SRGN: variants seen among roughly 807,000 people sequenced by gnomAD.
The protein encoded by SRGN is hematopoetic proteoglycan core peptide.
In SRGN, 2 loss-of-function variants were observed where a neutral mutation model predicts 9.5. The observed-to-expected ratio is 0.21, with a 90% CI of 0.09 to 0.66. The LOEUF (loss-of-function observed/expected upper bound fraction) is 0.66. Among genes scored for constraint, SRGN ranks in the 30% least tolerant of loss-of-function variants. The pLI, the probability that SRGN is intolerant of heterozygous loss-of-function variation, is 0.83. For missense variants in SRGN, 170 were observed against 192.4 expected, an observed-to-expected ratio of 0.88 and a Z score of 0.69; for synonymous variants, 59 against 72.3, an observed-to-expected ratio of 0.82 and a Z score of 0.93.
Position 69,097,513 on chromosome 10 carries a change from A to G in SRGN, c.227+282A>G, listed in dbSNP as rs371264783. 3.8e-4 allele frequency among the ~76,000 whole-genome samples: 53 copies of G among 140,816 alleles called. 2 individuals are homozygous for G. The East Asian group carries it at 9.3e-3, about 25-fold the overall frequency. The allele number at this position is 140,816 out of a possible 152,430, so 92.4% of individuals were successfully genotyped here. Reference sequence around the variant, plus strand: ...GCAATCTCGGCTCACTGCAAGCTCCACCTCCTGGGTTCACGCCATTCTCCC... The same window carrying G: ...GCAATCTCGGCTCACTGCAAGCTCCGCCTCCTGGGTTCACGCCATTCTCCC... On this transcript the variant is annotated intron_variant, in intron 2 of 2. Transcript: ENST00000242465.
chr10:69,102,641 C>A (rs531150820), intron 2 of SRGN, among the ~76,000 whole-genome samples: 1 of 152,116 alleles, frequency 6.6e-6, no homozygotes, highest in African/African-American at 2.4e-5. Flanking sequence ...CGAGGGCTGT[C>A]GTCATTGCTC....
At chr10:69,088,101 C>T, upstream of SRGN, 1 of 1,471,470 alleles carries the variant, frequency 6.8e-7, no homozygotes, top group Non-Finnish European at 9.5e-7. Flanking sequence ...GAGCACCCTG[C>T]TACATTTCCT....
At chr10:69,090,906 T>G (rs1840039247) in intron 1 of SRGN, among the ~76,000 whole-genome samples, 1 of 152,120 alleles carries the variant, frequency 6.6e-6, no homozygotes, top group African/African-American at 2.4e-5. Context: ...TTATTGCCTC[T>G]CTTTTCCAAT....
intron 1 of SRGN, among the ~76,000 whole-genome samples, chr10:69,095,327 T>G (rs1173510519): frequency 6.9e-6 from 1 of 144,824 alleles, no homozygotes; most frequent in Non-Finnish European, 1.5e-5. Flanking sequence ...AAAAAAAAAG[T>G]ACTTTTCTTC....
intron 2 of SRGN, among the ~76,000 whole-genome samples, chr10:69,099,474 A>C (rs1840246559): frequency 6.6e-6 from 1 of 151,772 alleles, no homozygotes; most frequent in African/African-American, 2.4e-5. Context: ...TAATTAAAAA[A>C]ATTTTTTTTT....
intron 1 of SRGN, 146 bp downstream of exon 1, chr10:69,088,382 T>C: frequency 1.5e-6 from 1 of 658,744 alleles, no homozygotes; most frequent in Non-Finnish European, 2.6e-6. Flanking sequence ...CTGAACCCTT[T>C]AATATGAGTT....
At position 69,097,121 on chromosome 10, in the gene SRGN, C is replaced by T. The variant is rs1840190628; in HGVS notation, c.117C>T (p.Arg39=). 6 of 1,614,134 alleles carry T rather than the reference C, an allele frequency of 3.7e-6. No individual in the cohort carries two copies. Among genetic ancestry groups the T allele is most frequent in the Non-Finnish European group, 4.2e-6 (5 of 1,180,010 alleles). The change falls in exon 2 of 3, where the codon CGC becomes CGT. Residue 39 remains arginine (R), a synonymous_variant. Transcript: ENST00000242465. The part of the protein sequence containing the change: ...PTRRARYQWV[R]CNPDSNSANC... Reference sequence around the variant, plus strand: ...GGAGAGCCAGGTACCAATGGGTGCGCTGCAATCCAGACAGTAATTCTGCAA... The same window carrying T: ...GGAGAGCCAGGTACCAATGGGTGCGTTGCAATCCAGACAGTAATTCTGCAA...
chr10:69,093,185 C>T (rs1383105540), intron 1 of SRGN, among the ~76,000 whole-genome samples: 1 of 152,154 alleles, frequency 6.6e-6, no homozygotes, highest in African/African-American at 2.4e-5. Flanking sequence ...GGCTACTGAA[C>T]ACTTGAAATG....
At chr10:69,103,725 T>C (rs1840335308) in intron 2 of SRGN, 146 bp from the exon 3 acceptor site, 2 of 912,034 alleles carry the variant, frequency 2.2e-6, no homozygotes, top group Admixed American at 2.9e-5. Context: ...TTTTAAAACA[T>C]TGAATAATTG....
At chr10:69,093,488 G>C (rs1452877434) in intron 1 of SRGN, among the ~76,000 whole-genome samples, 1 of 152,198 alleles carries the variant, frequency 6.6e-6, no homozygotes, top group African/African-American at 2.4e-5. Context: ...CTCTGCTGGA[G>C]AAGATGCTGG....
chr10:69,088,350 AAAG>A (rs1839981618), intron 1 of SRGN, 114 bp downstream of exon 1: 3 of 925,938 alleles, frequency 3.2e-6, no homozygotes, highest in Middle Eastern at 4.6e-4. Flanking sequence ...GAAAGGAGGC[AAAG>A]AAGAAGGATT....
Position 69,104,035 on chromosome 10 carries a change from A to C in SRGN, c.392A>C (p.Asp131Ala), listed in dbSNP as rs1467248672. 6.2e-7 allele frequency: 1 copy of C among 1,614,236 alleles called. No homozygotes were observed. Among genetic ancestry groups the C allele is most frequent in the South Asian group, 1.1e-5 (1 of 91,092 alleles). ...GTAGACGAAAGTGATGCTTTCCATG[A>C]CAACCTTAGGTCTCTTGACAGGAAT... ...QLVDESDAFH[D>A]NLRSLDRNLP... The change falls in exon 3 of 3, where the codon GAC (aspartate) becomes GCC (alanine). Residue 131 changes from aspartate (D) to alanine (A), a missense_variant. Transcript: ENST00000242465.
chr10:69,092,168 C>A (rs191591880), intron 1 of SRGN, among the ~76,000 whole-genome samples: 6 of 152,096 alleles, frequency 3.9e-5, no homozygotes, highest in Non-Finnish European at 8.8e-5. Flanking sequence ...CATAAGTGGA[C>A]CTTTTAGGAA....
chr10:69,090,488 C>T (rs776631639), intron 1 of SRGN, among the ~76,000 whole-genome samples: 1 of 152,128 alleles, frequency 6.6e-6, no homozygotes, highest in Non-Finnish European at 1.5e-5. Context: ...CAGGGTCGAT[C>T]GCATTCTGAG....
At chr10:69,091,875 G>T (rs1330731417) in intron 1 of SRGN, among the ~76,000 whole-genome samples, 1 of 30,676 alleles carries the variant, frequency 3.3e-5, no homozygotes, top group Admixed American at 5.1e-4. Flanking sequence ...CTGAGACTCT[G>T]TCTCAAAAAA....
rs564735640 is a variant in SRGN at position 69,094,891 on chromosome 10, C to G, written c.80-2193C>G. 3.0e-4 allele frequency among the ~76,000 whole-genome samples: 46 copies of G among 151,880 alleles called. No homozygotes were observed. The South Asian group carries it at 5.4e-3, about 18-fold the overall frequency. On this transcript the variant is annotated intron_variant, in intron 1 of 2. Transcript: ENST00000242465. ...TGCTGGGATTTCAGGCATGAGCTAC[C>G]ACACCCAACCTAATTTTTATTTTTA...
At position 69,096,977 on chromosome 10, in the gene SRGN, G is replaced by A. The variant is rs769892430; in HGVS notation, c.80-107G>A. 3.6e-4 allele frequency: 440 copies of A among 1,212,670 alleles called. 1 individual carries two copies. The highest frequency in any genetic ancestry group is 4.8e-4 in the Non-Finnish European group (423 of 886,322). The allele number at this position is 1,212,670 out of a possible 1,614,324, so 75.1% of individuals were successfully genotyped here. A position where few individuals can be genotyped will look rare whatever the true frequency, so the allele number is the denominator to read the frequency against. On this transcript the variant is annotated intron_variant, in intron 1 of 2. Coordinates refer to ENST00000242465, the MANE Select transcript of SRGN (RefSeq NM_002727.4). Reference sequence around the variant, plus strand: ...GTACTGCACTCCAGCTTGGGCAGCCGACTGAGACCCTGTCTCGAAAAAAAA... The same window carrying A: ...GTACTGCACTCCAGCTTGGGCAGCCAACTGAGACCCTGTCTCGAAAAAAAA...
At position 69,097,122 on chromosome 10, in the gene SRGN, T is replaced by C. The variant is rs1161419841; in HGVS notation, c.118T>C (p.Cys40Arg). Reference protein sequence around the residue: ...TRRARYQWVRCNPDSNSANCL... With the variant: ...TRRARYQWVRRNPDSNSANCL... ...GAGAGCCAGGTACCAATGGGTGCGC[T>C]GCAATCCAGACAGTAATTCTGCAAA... The change falls in exon 2 of 3, where the codon TGC becomes CGC. Residue 40 changes from cysteine (C) to arginine (R), a missense_variant. Physicochemically the swap from Cys to Arg is radical, Grantham distance 180 (BLOSUM62 -3). Transcript: ENST00000242465. 3.7e-6 allele frequency: 6 copies of C among 1,614,048 alleles called. No homozygotes were observed. The highest frequency in any genetic ancestry group is 1.3e-5 in the African/African-American group (1 of 74,920).
chr10:69,096,183 A>C (rs1031834675), intron 1 of SRGN, among the ~76,000 whole-genome samples: 3 of 152,206 alleles, frequency 2.0e-5, no homozygotes, highest in Admixed American at 1.3e-4. Context: ...GGTACTCCAC[A>C]GTGTGTTCCT....
Sources: allele counts gnomAD v4.1 joint callset (sites outside exome capture counted in the v4.1 genomes callset), GRCh38; gene constraint gnomAD v4.1.1; transcripts MANE v1.5; gene names NCBI Gene and HGNC (gene_info 2026-07-23, HGNC 2026-07-21).